ANKH: variants seen among roughly 807,000 people sequenced by gnomAD.
The protein encoded by ANKH is mineralization regulator ANKH.
A neutral mutation model predicts 49.0 loss-of-function variants in ANKH; 15 were observed. That is an observed-to-expected ratio of 0.31 (90% confidence interval 0.20 to 0.47). ANKH has a LOEUF of 0.47. Among genes scored for constraint, ANKH ranks in the 20% least tolerant of loss-of-function variants. The probability of loss-of-function intolerance (pLI) is 1.00; values close to 1 mark genes in which losing one functional copy is unlikely to be tolerated. For missense variants in ANKH, 429 were observed against 652.0 expected, an observed-to-expected ratio of 0.66 and a Z score of 3.72; for synonymous variants, 273 against 260.0, an observed-to-expected ratio of 1.05 and a Z score of -0.48.
rs112728531 is a variant in ANKH, at chr5:14,773,056, T to C, written c.97-3865A>G. 3.3e-5 allele frequency among the ~76,000 whole-genome samples: 5 copies of C among 152,330 alleles called. 1 individual carries two copies. Among genetic ancestry groups the C allele is most frequent in the African/African-American group, 9.6e-5 (4 of 41,576 alleles). ...TCTCCAGTGGGGACCACATCCTCTA[T>C]GCACTTTTCCCCACCACCTATCCTG... On this transcript the variant is annotated intron_variant, in intron 1 of 11. Transcript: ENST00000284268.
chr5:14,717,013 G>C (rs1737493172), intron 8 of ANKH, 178 bp from the exon 9 acceptor site: 2 of 723,932 alleles, frequency 2.8e-6, no homozygotes, highest in African/African-American at 3.5e-5. Context: ...TCTGACCACA[G>C]AGGCCCTGGT....
rs534389660 is a variant in ANKH, at chr5:14,741,383, G to A, written c.1011+444C>T. ...GATCCCGCAGGGGCTCAATGCCTAT[G>A]GGCACGTGATGGCCACGTAAGTAAG... On this transcript the variant is annotated intron_variant, in intron 8 of 11. Coordinates refer to ENST00000284268, the MANE Select transcript of ANKH (RefSeq NM_054027.6). 6 of 218,786 alleles carry A rather than the reference G, an allele frequency of 2.7e-5. No individual in the cohort carries two copies. The East Asian group carries it at 8.2e-4, about 30-fold the overall frequency. The allele number at this position is 218,786 out of a possible 1,614,324, so 13.6% of individuals were successfully genotyped here. A position where few individuals can be genotyped will look rare whatever the true frequency, so the allele number is the denominator to read the frequency against.
intron 7 of ANKH, among the ~76,000 whole-genome samples, chr5:14,744,504 G>T (rs1247752657): frequency 1.3e-5 from 2 of 152,258 alleles, no homozygotes; most frequent in African/African-American, 4.8e-5. Context: ...GTGGCCTGGG[G>T]GCTGGCAGTG....
In ANKH at chr5:14,818,063, C is replaced by CAA. The variant is rs34516771; in HGVS notation, c.97-48874_97-48873dup. 3.8e-3 allele frequency among the ~76,000 whole-genome samples: 275 copies of CAA among 72,282 alleles called. 3 individuals are homozygous for CAA. Among genetic ancestry groups the CAA allele is most frequent in the East Asian group, 8.7e-3 (24 of 2,768 alleles). 47.4% of individuals were successfully genotyped at this position (72,282 alleles called of 152,430 possible). The stretch of plus-strand genomic sequence containing the variant: ...TGGGTGACAGTGCAAGACTTTGTCT[C>CAA]AAAAAAAAAAAAAAAAAAAGGAAAA... On this transcript the variant is annotated intron_variant, in intron 1 of 11. Coordinates refer to ENST00000284268, the MANE Select transcript of ANKH (RefSeq NM_054027.6).
chr5:14,846,664 T>C (rs1741968979), intron 1 of ANKH, among the ~76,000 whole-genome samples: 3 of 152,222 alleles, frequency 2.0e-5, no homozygotes, highest in Non-Finnish European at 2.9e-5. Context: ...AGAGTGCACA[T>C]ACATTTGACA....
intron 1 of ANKH, among the ~76,000 whole-genome samples, chr5:14,810,450 C>T (rs553952271): frequency 2.6e-5 from 4 of 152,266 alleles, no homozygotes; most frequent in African/African-American, 9.6e-5. Flanking sequence ...TGAGCCACCG[C>T]ACCTGGCCAA....
chr5:14,798,410 G>A, intron 1 of ANKH: 7 of 1,553,452 alleles, frequency 4.5e-6, no homozygotes, highest in Non-Finnish European at 5.3e-6. Flanking sequence ...TGGCGGGCAG[G>A]CGAGCCGGGG....
chr5:14,821,682 G>A (rs921199045), intron 1 of ANKH, among the ~76,000 whole-genome samples: 7 of 152,194 alleles, frequency 4.6e-5, no homozygotes, highest in African/African-American at 1.7e-4. Context: ...ACAGCCTTTG[G>A]CTGAAAAGTA....
Position 14,711,161 on chromosome 5 carries a change from C to G in ANKH, c.*36G>C. 6.6e-7 allele frequency: 1 copy of G among 1,520,112 alleles called. No individual in the cohort carries two copies. The highest frequency in any genetic ancestry group is 1.1e-5 in the South Asian group (1 of 89,260). 94.2% of individuals were successfully genotyped at this position (1,520,112 alleles called of 1,614,324 possible). ...AGATGATGCCGAAGTGTCATCCTGA[C>G]TGACTGTCCCTGCAGTGCCCATGGC... is the stretch of plus-strand genomic sequence containing the variant. On this transcript the variant is annotated 3_prime_UTR_variant, in exon 12 of 12. Coordinates refer to ENST00000284268, the MANE Select transcript of ANKH (RefSeq NM_054027.6).
chr5:14,708,378 T>C lies in ANKH; in HGVS notation c.*2819A>G, dbSNP rs1737022327. ...TCACACCTGGTCTTTCCCTGGTCTT[T>C]GACATGAGAATCTCACAGGCATGGT... On this transcript the variant is annotated 3_prime_UTR_variant, in exon 12 of 12. Transcript: ENST00000284268. 1 of 152,228 alleles carries C rather than the reference T, an allele frequency of 6.6e-6. No individual in the cohort carries two copies. The highest frequency in any genetic ancestry group is 1.5e-5 in the Non-Finnish European group (1 of 68,026). 9.4% of individuals were successfully genotyped at this position (152,228 alleles called of 1,614,324 possible).
chr5:14,858,775 T>A (rs1481038499), intron 1 of ANKH, among the ~76,000 whole-genome samples: 1 of 145,332 alleles, frequency 6.9e-6, no homozygotes, highest in South Asian at 2.3e-4. Flanking sequence ...AAATAAAATA[T>A]ATGCACAGAA....
rs1740462697 is a variant in ANKH at position 14,798,490 on chromosome 5, T to C, written c.97-29299A>G. On this transcript the variant is annotated intron_variant, in intron 1 of 11. Transcript: ENST00000284268. ...GCGTTCGCTCTGCGCACGCGGTCTCTATTTTTTTTTTTAATTAACAAATTG... is the reference window on the plus strand; with the variant it reads ...GCGTTCGCTCTGCGCACGCGGTCTCCATTTTTTTTTTTAATTAACAAATTG... The C allele has an allele frequency of 1.1e-5, 10 of 894,890 alleles. No individual in the cohort carries two copies. In the African/African-American group the frequency reaches 1.8e-4, roughly 16 times the overall value. The allele number at this position is 894,890 out of a possible 1,614,324, so 55.4% of individuals were successfully genotyped here.
At position 14,774,136 on chromosome 5, in the gene ANKH, G is replaced by C. The variant is rs1356743874; in HGVS notation, c.97-4945C>G. 2.6e-5 allele frequency among the ~76,000 whole-genome samples: 4 copies of C among 152,138 alleles called. No individual in the cohort carries two copies. The East Asian group carries it at 7.7e-4, about 29-fold the overall frequency. On this transcript the variant is annotated intron_variant, in intron 1 of 11. Transcript: ENST00000284268. ...CTGGAGCAAACGTTTCCCCCAGTGTGTTCACTGCTTAGTTCCATGTTTTCT... is the reference window on the plus strand; with the variant it reads ...CTGGAGCAAACGTTTCCCCCAGTGTCTTCACTGCTTAGTTCCATGTTTTCT...
At chr5:14,854,624 G>C (rs1311588948) in intron 1 of ANKH, among the ~76,000 whole-genome samples, 1 of 152,184 alleles carries the variant, frequency 6.6e-6, no homozygotes, top group African/African-American at 2.4e-5. Flanking sequence ...CTTGAGCCCA[G>C]GAGTGAGCCA....
chr5:14,769,090 C>T lies in ANKH; in HGVS notation c.198G>A (p.Met66Ile). Residue 66 changes from methionine to isoleucine, a missense_variant, in exon 2 of 12, where the codon ATG becomes ATA. By Grantham distance (10) the Met-to-Ile change is conservative (BLOSUM62 1). Around this residue, in one of 2 missense-constraint regions of ANKH, gnomAD observed 378 missense variants for 615.3 expected, o/e 0.61. Transcript: ENST00000284268. ...YSLMKFFTGP[M>I]SDFKNVGLVF... is the part of the protein sequence containing the mutation. Reference sequence around the variant, plus strand: ...CCAGGCCCACATTTTTGAAGTCACTCATGGGACCCGTGAAGAACTTCATGA... The same window carrying T: ...CCAGGCCCACATTTTTGAAGTCACTTATGGGACCCGTGAAGAACTTCATGA... 6.2e-7 allele frequency: 1 copy of T among 1,614,158 alleles called. No homozygotes were observed. Among genetic ancestry groups the T allele is most frequent in the Non-Finnish European group, 8.5e-7 (1 of 1,180,038 alleles).
chr5:14,730,924 CG>C (rs1561028063), intron 8 of ANKH, among the ~76,000 whole-genome samples: 3 of 151,990 alleles, frequency 2.0e-5, no homozygotes, highest in African/African-American at 7.3e-5. Flanking sequence ...TAGGCTCTGG[CG>C]GGGGGAAAAG....
chr5:14,789,196 C>G (rs1740078415), intron 1 of ANKH, among the ~76,000 whole-genome samples: 1 of 151,992 alleles, frequency 6.6e-6, no homozygotes, highest in African/African-American at 2.4e-5. Context: ...CCACTGCACT[C>G]CAGCCTGGGC....
chr5:14,791,851 G>A (rs1740177553), intron 1 of ANKH, among the ~76,000 whole-genome samples: 1 of 152,206 alleles, frequency 6.6e-6, no homozygotes, highest in Non-Finnish European at 1.5e-5. Flanking sequence ...CGCTCATCCA[G>A]CAATTGCTTG....
chr5:14,741,393 T>C (rs77728621), intron 8 of ANKH: 67 of 223,908 alleles, frequency 3.0e-4, no homozygotes, highest in Middle Eastern at 1.7e-3. Context: ...GGGCACGTGA[T>C]GGCCACGTAA....
Sources: allele counts gnomAD v4.1 joint callset (sites outside exome capture counted in the v4.1 genomes callset), GRCh38; gene constraint gnomAD v4.1.1; regional missense constraint gnomAD v4.1.1; transcripts MANE v1.5; gene names NCBI Gene and HGNC (gene_info 2026-07-23, HGNC 2026-07-21).